The following UBP1 variants were observed in gnomAD, a reference collection of about 807,000 sequenced individuals.
The protein encoded by UBP1 is upstream binding protein 1.
In UBP1, 22 loss-of-function variants were observed where a neutral mutation model predicts 76.1. The observed-to-expected ratio is 0.29, with a 90% CI of 0.21 to 0.41. UBP1 has a LOEUF of 0.41. Among genes scored for constraint, UBP1 ranks in the 10% least tolerant of loss-of-function variants. The probability of loss-of-function intolerance (pLI) is 1.00; values close to 1 mark genes in which losing one functional copy is unlikely to be tolerated. For missense variants in UBP1, 436 were observed against 668.1 expected (o/e 0.65, Z 3.83); for synonymous variants, 224 against 237.1 (o/e 0.94, Z 0.51).
chr3:33,403,572 GTCTGTCTGTCTGTCTATCTA>G (rs2044322653), intron 8 of UBP1: 1 of 140,842 alleles, frequency 7.1e-6, no homozygotes, highest in Non-Finnish European at 1.6e-5. Context: ...CTGTCTGTCT[GTCTGTCTGTCTGTCTATCTA>G]TCTATCTATC....
At chr3:33,425,970 T>A (rs1216735120) in intron 1 of UBP1, among the ~76,000 whole-genome samples, 2 of 129,828 alleles carry the variant, frequency 1.5e-5, no homozygotes, top group Non-Finnish European at 3.2e-5. Flanking sequence ...GGGTGGGAAG[T>A]GGGGGAGGGC....
At chr3:33,404,686 A>G (rs1175560977) in intron 8 of UBP1, among the ~76,000 whole-genome samples, 1 of 152,144 alleles carries the variant, frequency 6.6e-6, no homozygotes, top group African/African-American at 2.4e-5. Flanking sequence ...TCTAATGACT[A>G]AGTTTTTCTG....
intron 3 of UBP1, 98 bp from the exon 4 acceptor site, chr3:33,412,925 A>G (rs1296171549): frequency 2.7e-6 from 2 of 750,598 alleles, no homozygotes; most frequent in African/African-American, 3.4e-5. Context: ...GCAGTAGAAC[A>G]CATACAACTA....
In UBP1 at chr3:33,409,559, C is replaced by A; in HGVS notation, c.598G>T (p.Gly200Cys). The A allele has an allele frequency of 1.2e-6, 2 of 1,614,206 alleles. No homozygotes were observed. Among genetic ancestry groups the A allele is most frequent in the Non-Finnish European group, 1.7e-6 (2 of 1,180,048 alleles). Residue 200 changes from glycine to cysteine, a missense_variant, in exon 6 of 16, where the codon GGT (glycine) becomes TGT (cysteine). This residue lies in a region of UBP1 where 65 missense variants were observed against 157.4 expected (regional missense o/e 0.41). Coordinates refer to ENST00000283629, the MANE Select transcript of UBP1 (RefSeq NM_014517.5). ...ATCCTAAAGGGCACTCCCTTTTCAC[C>A]TCCGTGCTTCCGTGGAGTAAATTCT... ...STEFTPRKHGGEKGVPFRIQV... is the reference protein window; with the variant it reads ...STEFTPRKHGCEKGVPFRIQV...
chr3:33,429,844 G>A (rs2045084002), intron 1 of UBP1, among the ~76,000 whole-genome samples: 1 of 152,158 alleles, frequency 6.6e-6, no homozygotes, highest in South Asian at 2.1e-4. Context: ...CTAGTGTGAG[G>A]CAGAGACTGC....
intron 1 of UBP1, among the ~76,000 whole-genome samples, chr3:33,433,805 T>C (rs374777425): frequency 3.3e-5 from 5 of 152,142 alleles, no homozygotes; most frequent in African/African-American, 9.6e-5. Flanking sequence ...TCCAGCTACT[T>C]GGGAGTTTGT....
chr3:33,441,218 C>A (rs2045297459), upstream of UBP1: 2 of 152,286 alleles, frequency 1.3e-5, no homozygotes, highest in Non-Finnish European at 2.9e-5. Context: ...AGACAGAAAT[C>A]TTTTTACCGG....
Position 33,396,284 on chromosome 3 carries a change from C to T in UBP1, c.1272-4G>A, listed in dbSNP as rs367993972. On this transcript the variant is annotated splice_polypyrimidine_tract_variant and splice_region_variant and intron_variant, in intron 12 of 15. Coordinates refer to ENST00000283629, the MANE Select transcript of UBP1 (RefSeq NM_014517.5). ...GGTTAAACGGGGTCTAACCGACCTG[C>T]AATCAGAAGATGCCACTGATGAGCC... 5.1e-6 allele frequency: 8 copies of T among 1,570,306 alleles called. No homozygotes were observed. Among genetic ancestry groups the T allele is most frequent in the Admixed American group, 5.1e-5 (3 of 59,292 alleles).
At chr3:33,440,956 C>T (rs2045292706), upstream of UBP1, 1 of 152,226 alleles carries the variant, frequency 6.6e-6, no homozygotes, top group Non-Finnish European at 1.5e-5. Flanking sequence ...TGCAGAAAAC[C>T]TTGATTGGCG....
chr3:33,411,959 G>A (rs765601352), intron 4 of UBP1, among the ~76,000 whole-genome samples: 2 of 152,082 alleles, frequency 1.3e-5, no homozygotes, highest in African/African-American at 2.4e-5. Context: ...GGCCAAGGCA[G>A]GTGGATAACC....
intron 2 of UBP1, among the ~76,000 whole-genome samples, chr3:33,421,422 G>A (rs35296096): frequency 0.029 from 4,467 of 152,218 alleles, 104 homozygotes; most frequent in Non-Finnish European, 0.046. Flanking sequence ...ACAGGCGTGC[G>A]CCACCATGCT....
intron 8 of UBP1, 50 bp from the exon 9 acceptor site, chr3:33,402,954 G>C (rs1465998959): frequency 6.8e-7 from 1 of 1,466,366 alleles, no homozygotes. Context: ...AAAATATGTG[G>C]AAGAAATATT....
Position 33,409,301 on chromosome 3 carries a change from C to G in UBP1, c.754G>C (p.Glu252Gln). ...RKQKTDREKM[E>Q]KRTAHEKEKY... Reference sequence around the variant, plus strand: ...TCTTTTTCATGAGCTGTTCTCTTCTCCATCTTCTCTCGGTCAGTTTTTTGT... The same window carrying G: ...TCTTTTTCATGAGCTGTTCTCTTCTGCATCTTCTCTCGGTCAGTTTTTTGT... The change falls in exon 7 of 16, where the codon GAG becomes CAG. Residue 252 changes from glutamate (E) to glutamine (Q), a missense_variant. Physicochemically the swap from Glu to Gln is conservative, Grantham distance 29. This residue lies in a region of UBP1 where 65 missense variants were observed against 157.4 expected (regional missense o/e 0.41). Transcript: ENST00000283629. 1 of 1,614,142 alleles carries G rather than the reference C, an allele frequency of 6.2e-7. No individual in the cohort carries two copies. Among genetic ancestry groups the G allele is most frequent in the South Asian group, 1.1e-5 (1 of 91,082 alleles).
At chr3:33,390,479 TTTA>T in intron 15 of UBP1, 111 bp from the exon 16 acceptor site, 1 of 1,123,294 alleles carries the variant, frequency 8.9e-7, no homozygotes, top group African/African-American at 1.6e-5. Context: ...AGAGGTTACC[TTTA>T]AATGATTCTA....
intron 8 of UBP1, among the ~76,000 whole-genome samples, chr3:33,407,267 A>G (rs1337522007): frequency 6.6e-6 from 1 of 152,104 alleles, no homozygotes; most frequent in Non-Finnish European, 1.5e-5. Context: ...CTTAAGAATC[A>G]TTAAGAATTT....
chr3:33,416,740 A>G lies in UBP1; in HGVS notation c.342+18T>C. 6.3e-7 allele frequency: 1 copy of G among 1,585,144 alleles called. No homozygotes were observed. The highest frequency in any genetic ancestry group is 8.6e-7 in the Non-Finnish European group (1 of 1,160,114). ...ATCACAGCAATATCCATTGGGAATT[A>G]AAATGGACTGTCCTTACCTTTACTA... On this transcript the variant is annotated intron_variant, in intron 3 of 15. Coordinates refer to ENST00000283629, the MANE Select transcript of UBP1 (RefSeq NM_014517.5).
At chr3:33,393,246 G>A in intron 14 of UBP1, 66 bp downstream of exon 14, 4 of 1,467,714 alleles carry the variant, frequency 2.7e-6, no homozygotes, top group Admixed American at 2.3e-5. Flanking sequence ...TTTTTCTACA[G>A]TTCTACAATT....
intron 2 of UBP1, among the ~76,000 whole-genome samples, chr3:33,418,830 G>A (rs1443064119): frequency 7.7e-6 from 1 of 130,230 alleles, no homozygotes; most frequent in Admixed American, 9.3e-5. Flanking sequence ...CTGCACTACA[G>A]CCCAGGCAAC....
chr3:33,408,735 C>G lies in UBP1; in HGVS notation c.882G>C (p.Arg294=). The G allele has an allele frequency of 6.2e-7, 1 of 1,613,988 alleles. No individual in the cohort carries two copies. Among genetic ancestry groups the G allele is most frequent in the Non-Finnish European group, 8.5e-7 (1 of 1,179,948 alleles). Residue 294 remains arginine (R), a synonymous_variant, in exon 8 of 16, where the codon CGG becomes CGC. Transcript: ENST00000283629. ...AATCACCGTAGTCTGCTGGCAAAGT[C>G]CGCTTGCTGGACTTTTTCTGCTCAT... ...VEHEQKKSSK[R]TLPADYGDSL...
Sources: allele counts gnomAD v4.1 joint callset (sites outside exome capture counted in the v4.1 genomes callset), GRCh38; gene constraint gnomAD v4.1.1; regional missense constraint gnomAD v4.1.1; transcripts MANE v1.5; gene names NCBI Gene and HGNC (gene_info 2026-07-23, HGNC 2026-07-21).